The following SLC30A7 variants were observed in gnomAD, a reference collection of about 807,000 sequenced individuals.
SLC30A7 encodes zinc transporter 7.
In SLC30A7, 35 loss-of-function variants were observed where a neutral mutation model predicts 46.0. The ratio of observed to expected loss-of-function variants is 0.76; its 90% CI spans 0.58 to 1.01. SLC30A7 has a LOEUF of 1.01. Among genes scored for constraint, SLC30A7 ranks in the 50% least tolerant of loss-of-function variants. The pLI, the probability that SLC30A7 is intolerant of heterozygous loss-of-function variation, is 0.00. For missense variants in SLC30A7, 464 were observed against 451.1 expected (o/e 1.03, Z -0.26); for synonymous variants, 147 against 157.8 (o/e 0.93, Z 0.51).
chr1:100,896,364 G>C (rs1442143753), intron 1 of SLC30A7, 22 bp downstream of exon 1: 20 of 1,613,212 alleles, frequency 1.2e-5, no homozygotes, highest in Non-Finnish European at 1.7e-5. Flanking sequence ...TGTGTTTGCG[G>C]GGAGGGGGTG....
At chr1:100,954,813 C>T (rs941225053) in intron 8 of SLC30A7, among the ~76,000 whole-genome samples, 1 of 152,010 alleles carries the variant, frequency 6.6e-6, no homozygotes, top group African/African-American at 2.4e-5. Context: ...TATATTTATG[C>T]AAATGTGACT....
chr1:100,960,090 T>C (rs1295472179), intron 8 of SLC30A7, among the ~76,000 whole-genome samples: 1 of 152,182 alleles, frequency 6.6e-6, no homozygotes, highest in Non-Finnish European at 1.5e-5. Flanking sequence ...AAATAATATT[T>C]TTACTTGAAT....
chr1:100,921,589 T>G (rs995144800), intron 7 of SLC30A7, 117 bp from the exon 8 acceptor site: 2 of 696,258 alleles, frequency 2.9e-6, no homozygotes, highest in African/African-American at 3.6e-5. Flanking sequence ...TGCTTACTTA[T>G]TTTTGAAGTT....
intron 8 of SLC30A7, among the ~76,000 whole-genome samples, chr1:100,951,548 T>G (rs1214554597): frequency 1.3e-5 from 2 of 152,130 alleles, no homozygotes; most frequent in African/African-American, 2.4e-5. Context: ...TGCTCCAAGG[T>G]GCACCTCTTT....
At chr1:100,953,996 T>C (rs530746613) in intron 8 of SLC30A7, among the ~76,000 whole-genome samples, 1 of 152,326 alleles carries the variant, frequency 6.6e-6, no homozygotes, top group East Asian at 1.9e-4. Context: ...GGCTCTTCAC[T>C]GTTATGCTAT....
chr1:100,941,569 T>G (rs1654350801), intron 8 of SLC30A7: 1 of 568,188 alleles, frequency 1.8e-6, no homozygotes. Flanking sequence ...TCACTTCAGT[T>G]TTTCCATACT....
chr1:100,961,985 A>G, intron 9 of SLC30A7, 67 bp downstream of exon 9: 2 of 953,522 alleles, frequency 2.1e-6, no homozygotes, highest in Non-Finnish European at 3.2e-6. Context: ...TTCAGCTTTC[A>G]CAAATATGGG....
In SLC30A7 at chr1:100,896,319, C is replaced by T. The variant is rs757898066; in HGVS notation, c.57C>T (p.Phe19=). 1 of 1,614,186 alleles carries T rather than the reference C, an allele frequency of 6.2e-7. No homozygotes were observed. Among genetic ancestry groups the T allele is most frequent in the Non-Finnish European group, 8.5e-7 (1 of 1,180,020 alleles). The change falls in exon 1 of 11, where the codon TTC becomes TTT. Residue 19 remains phenylalanine (F), a synonymous_variant. Coordinates refer to ENST00000357650, the MANE Select transcript of SLC30A7 (RefSeq NM_133496.5). The part of the protein sequence containing the change: ...DEYKPPKFNL[F]GKISGWFRSI... ...ACAAACCACCCAAGTTCAATTTGTT[C>T]GGCAAGATCTCGGGCTGGTTTAGGT... is the stretch of plus-strand genomic sequence containing the variant.
rs1655040655 is a variant in SLC30A7, at chr1:100,953,042, TA to T, written c.843-8785del. On this transcript the variant is annotated intron_variant, in intron 8 of 10. Coordinates refer to ENST00000357650, the MANE Select transcript of SLC30A7 (RefSeq NM_133496.5). ...GATTTCCCCCTTGCTGTTCTTGTGA[TA>T]GTGAGTTCTCATGAGATCTGATGAT... Among the ~76,000 whole-genome samples the T allele has an allele frequency of 2.7e-5, 4 of 150,830 alleles. No homozygotes were observed. The South Asian group carries it at 8.5e-4, about 32-fold the overall frequency.
At chr1:100,939,748 C>T (rs1654232340) in intron 8 of SLC30A7, among the ~76,000 whole-genome samples, 1 of 150,770 alleles carries the variant, frequency 6.6e-6, no homozygotes, top group Admixed American at 6.6e-5. Flanking sequence ...ACTTGAGAGG[C>T]TGAGGCAGGA....
the SLC30A7 span, chr1:100,990,743 A>G: frequency 9.9e-7 from 1 of 1,013,892 alleles, no homozygotes. Context: ...AATATCTTAA[A>G]TCTCTTTTGC....
rs1342410236 is a variant in SLC30A7, at chr1:100,977,222, G to A, written c.*2365G>A. The A allele has an allele frequency of 2.6e-5, 4 of 152,084 alleles. No individual in the cohort carries two copies. Among genetic ancestry groups the A allele is most frequent in the Non-Finnish European group, 5.9e-5 (4 of 68,010 alleles). The allele number at this position is 152,084 out of a possible 1,614,324, so 9.4% of individuals were successfully genotyped here. Reference sequence around the variant, plus strand: ...CCTTTCACAGAGCCCTCCATTCCAAGTTTAGTTTTTGTCAAAATATGAATC... The same window carrying A: ...CCTTTCACAGAGCCCTCCATTCCAAATTTAGTTTTTGTCAAAATATGAATC... On this transcript the variant is annotated 3_prime_UTR_variant, in exon 11 of 11. Transcript: ENST00000357650.
At chr1:100,990,333 G>T in the SLC30A7 span, 1 of 1,339,080 alleles carries the variant, frequency 7.5e-7, no homozygotes, top group Non-Finnish European at 1.1e-6. Context: ...GATGAGACTT[G>T]GGTGGGGATA....
At chr1:100,919,880 A>G (rs1431446626) in intron 7 of SLC30A7, among the ~76,000 whole-genome samples, 3 of 152,162 alleles carry the variant, frequency 2.0e-5, no homozygotes, top group East Asian at 1.9e-4. Context: ...ATGTTTTTCA[A>G]TTATATGCTA....
intron 8 of SLC30A7, among the ~76,000 whole-genome samples, chr1:100,926,810 T>A (rs1653333334): frequency 6.6e-6 from 1 of 152,150 alleles, no homozygotes; most frequent in Non-Finnish European, 1.5e-5. Context: ...AGGGAGACAG[T>A]CAATAAAGCA....
chr1:100,922,080 A>G (rs1652971305), intron 8 of SLC30A7, among the ~76,000 whole-genome samples: 1 of 151,572 alleles, frequency 6.6e-6, no homozygotes. Context: ...CAGCCTCTCA[A>G]GTAGCTGGGA....
At chr1:100,991,974 G>A in the SLC30A7 span, among the ~76,000 whole-genome samples, 4 of 151,670 alleles carry the variant, frequency 2.6e-5, no homozygotes, top group African/African-American at 9.7e-5. Context: ...AGCTGGGCAT[G>A]GTGGCATGCA....
downstream of SLC30A7, among the ~76,000 whole-genome samples, chr1:100,984,211 G>A (rs1355844082): frequency 6.6e-6 from 1 of 152,136 alleles, no homozygotes; most frequent in Non-Finnish European, 1.5e-5. Context: ...TTTTAAAAGG[G>A]TACAGCAACC....
At chr1:100,954,668 GC>G (rs1176328704) in intron 8 of SLC30A7, among the ~76,000 whole-genome samples, 1 of 151,988 alleles carries the variant, frequency 6.6e-6, no homozygotes, top group Non-Finnish European at 1.5e-5. Context: ...ATTGATTTGA[GC>G]CAGAGGTTTC....
Sources: allele counts gnomAD v4.1 joint callset (sites outside exome capture counted in the v4.1 genomes callset), GRCh38; gene constraint gnomAD v4.1.1; transcripts MANE v1.5; gene names NCBI Gene and HGNC (gene_info 2026-07-23, HGNC 2026-07-21).